Variants in SLC71A1 observed in about 807,000 individuals in gnomAD.
SLC71A1 encodes the protein hippocampus abundant gene transcript 1.
the SLC71A1 span, among the ~76,000 whole-genome samples, chr1:100,046,759 C>G: frequency 1.3e-5 from 2 of 152,124 alleles, no homozygotes; most frequent in Non-Finnish European, 2.9e-5. Flanking sequence ...CTCTTCAATT[C>G]GTGTCATCAA....
chr1:100,055,786 C>T, the SLC71A1 span, among the ~76,000 whole-genome samples: 6 of 152,164 alleles, frequency 3.9e-5, no homozygotes, highest in African/African-American at 1.2e-4. Context: ...CGGAGTCTTG[C>T]TCTGTCACCA....
chr1:100,049,322 T>G, the SLC71A1 span, among the ~76,000 whole-genome samples: 3 of 124,556 alleles, frequency 2.4e-5, no homozygotes, highest in Non-Finnish European at 3.5e-5. Context: ...TCATTTATGG[T>G]TTTTTTTTTT....
chr1:100,067,494 T>G, the SLC71A1 span, among the ~76,000 whole-genome samples: 1 of 152,174 alleles, frequency 6.6e-6, no homozygotes, highest in Non-Finnish European at 1.5e-5. Context: ...AATTCTTTAC[T>G]TTTCCTGCCA....
At chr1:100,042,955 C>T in the SLC71A1 span, 1 of 293,086 alleles carries the variant, frequency 3.4e-6, no homozygotes, top group African/African-American at 2.3e-5. Context: ...TTTATATTGT[C>T]TTTGGCAGGT....
At chr1:100,068,455 G>C in the SLC71A1 span, 1 of 1,500,108 alleles carries the variant, frequency 6.7e-7, no homozygotes, top group Non-Finnish European at 9.3e-7. Context: ...ATATCAATCA[G>C]TCTTTTTCTT....
the SLC71A1 span, among the ~76,000 whole-genome samples, chr1:100,076,749 A>G: frequency 1.3e-5 from 2 of 152,246 alleles, no homozygotes; most frequent in Non-Finnish European, 2.9e-5. Context: ...TAGGTAAATA[A>G]TATATGGGTA....
the SLC71A1 span, among the ~76,000 whole-genome samples, chr1:100,052,710 GT>G: frequency 6.6e-6 from 1 of 151,566 alleles, no homozygotes; most frequent in South Asian, 2.1e-4. Flanking sequence ...GATTACAGGT[GT>G]GAGCCACTGT....
the SLC71A1 span, among the ~76,000 whole-genome samples, chr1:100,055,718 G>T: frequency 6.6e-6 from 1 of 152,148 alleles, no homozygotes; most frequent in East Asian, 1.9e-4. Flanking sequence ...TCCTTTCTTT[G>T]TGTTATAAAC....
At chr1:100,066,975 C>T in the SLC71A1 span, among the ~76,000 whole-genome samples, 4,273 of 114,278 alleles carry the variant, frequency 0.037, 234 homozygotes, top group African/African-American at 0.14. Context: ...GGCGACAGAG[C>T]GAGACTCCGT....
chr1:100,075,577 T>C, the SLC71A1 span, among the ~76,000 whole-genome samples: 1 of 152,230 alleles, frequency 6.6e-6, no homozygotes, highest in Non-Finnish European at 1.5e-5. Flanking sequence ...GTCTCTGATA[T>C]AGTCCACAAA....
the SLC71A1 span, among the ~76,000 whole-genome samples, chr1:100,064,402 T>A: frequency 6.6e-6 from 1 of 152,204 alleles, no homozygotes; most frequent in Non-Finnish European, 1.5e-5. Context: ...GTGTTGGGAT[T>A]ATAGGCGTGA....
At chr1:100,067,455 T>TACA in the SLC71A1 span, among the ~76,000 whole-genome samples, 1 of 152,150 alleles carries the variant, frequency 6.6e-6, no homozygotes, top group Non-Finnish European at 1.5e-5. Flanking sequence ...TTCTCCATGT[T>TACA]GTCCAGGCTG....
chr1:100,074,035 T>C, the SLC71A1 span, among the ~76,000 whole-genome samples: 1 of 152,180 alleles, frequency 6.6e-6, no homozygotes, highest in African/African-American at 2.4e-5. Context: ...GGGATATAAA[T>C]GTAAATAAGA....
At chr1:100,054,866 GA>G in the SLC71A1 span, among the ~76,000 whole-genome samples, 1 of 152,142 alleles carries the variant, frequency 6.6e-6, no homozygotes, top group Non-Finnish European at 1.5e-5. Flanking sequence ...AATTTTGTTA[GA>G]AATTGTATGG....
chr1:100,039,534 GA>G, the SLC71A1 span, among the ~76,000 whole-genome samples: 1 of 151,942 alleles, frequency 6.6e-6, no homozygotes, highest in Non-Finnish European at 1.5e-5. Flanking sequence ...GACATTTATT[GA>G]AAAAAAGAAA....
the SLC71A1 span, among the ~76,000 whole-genome samples, chr1:100,051,500 T>G: frequency 1.3e-5 from 2 of 151,998 alleles, no homozygotes; most frequent in African/African-American, 4.8e-5. Context: ...GATAGAAATC[T>G]TTAAAAAATT....
the SLC71A1 span, among the ~76,000 whole-genome samples, chr1:100,045,354 G>T: frequency 1.7e-3 from 252 of 152,268 alleles, 3 homozygotes; most frequent in African/African-American, 5.7e-3. Flanking sequence ...TTTGTATCCT[G>T]AGACTTTACT....
At chr1:100,076,501 A>G in the SLC71A1 span, among the ~76,000 whole-genome samples, 1 of 152,244 alleles carries the variant, frequency 6.6e-6, no homozygotes, top group Non-Finnish European at 1.5e-5. Context: ...AACTTTATGT[A>G]AATATATCTC....
chr1:100,054,224 T>A, the SLC71A1 span, among the ~76,000 whole-genome samples: 1 of 151,354 alleles, frequency 6.6e-6, no homozygotes. Context: ...TTTTTTATTA[T>A]TTTTTTTGAG....
Sources: gnomAD v4.1 joint callset for allele counts (sites outside exome capture counted in the v4.1 genomes callset) on GRCh38, gnomAD v4.1.1 for gene constraint, MANE v1.5 for transcripts, NCBI Gene and HGNC (gene_info 2026-07-23, HGNC 2026-07-21) for gene names.